Variants in RUNX1 observed in about 807,000 individuals in gnomAD.
The protein encoded by RUNX1 is runt-related transcription factor 1.
Under a neutral mutation model 42.8 loss-of-function variants are expected in RUNX1, and 19 were observed. The ratio of observed to expected loss-of-function variants is 0.44; its 90% CI spans 0.31 to 0.65. The LOEUF is 0.65. Among genes scored for constraint, RUNX1 ranks in the 30% least tolerant of loss-of-function variants. The pLI is 0.07. For synonymous variants in RUNX1, 271 were observed against 289.4 expected, an observed-to-expected ratio of 0.94 and a Z score of 0.64; for missense variants, 528 against 672.0, an observed-to-expected ratio of 0.79 and a Z score of 2.37.
chr21:34,839,846 C>T lies in RUNX1; in HGVS notation c.614-5245G>A, dbSNP rs146807586. On this transcript the variant is annotated intron_variant, in intron 6 of 8. Coordinates refer to ENST00000675419, the MANE Select transcript of RUNX1 (RefSeq NM_001754.5). ...AATGTGCATTACTACTTCCCTTCTC[C>T]TGCCTGCTTCTGATTTGCTGTGTGC... 1.8e-3 allele frequency among the ~76,000 whole-genome samples: 275 copies of T among 152,328 alleles called. 5 individuals are homozygous for T. In the East Asian group the frequency reaches 0.045, roughly 25 times the overall value.
chr21:34,961,637 G>A (rs1346566316), intron 2 of RUNX1, among the ~76,000 whole-genome samples: 2 of 152,066 alleles, frequency 1.3e-5, no homozygotes, highest in South Asian at 2.1e-4. Flanking sequence ...GTAGCAGCTC[G>A]TATATTTTAC....
chr21:34,908,790 G>T (rs978834251), intron 2 of RUNX1, among the ~76,000 whole-genome samples: 1 of 152,112 alleles, frequency 6.6e-6, no homozygotes, highest in African/African-American at 2.4e-5. Flanking sequence ...AACACCCTTT[G>T]TCAAAGTCAG....
intron 2 of RUNX1, among the ~76,000 whole-genome samples, chr21:34,987,327 T>C (rs978198004): frequency 2.6e-5 from 4 of 151,992 alleles, no homozygotes; most frequent in African/African-American, 9.7e-5. Flanking sequence ...AAGCCAGACA[T>C]TTGAGGGGAG....
chr21:34,873,814 T>G (rs560211405), intron 5 of RUNX1, among the ~76,000 whole-genome samples: 1 of 152,248 alleles, frequency 6.6e-6, no homozygotes, highest in Admixed American at 6.5e-5. Flanking sequence ...AAAATACATC[T>G]CCGTTGAATG....
chr21:34,998,742 C>T (rs565969262), intron 2 of RUNX1, among the ~76,000 whole-genome samples: 60 of 152,220 alleles, frequency 3.9e-4, no homozygotes, highest in Admixed American at 7.8e-4. Flanking sequence ...GGGGTTTCAC[C>T]GAGTTAGCCA....
chr21:34,834,572 T>C lies in RUNX1; in HGVS notation c.643A>G (p.Lys215Glu). Residue 215 changes from lysine to glutamate, a missense_variant, in exon 7 of 9, where the codon AAG becomes GAG. By Grantham distance (56) the Lys-to-Glu change is moderately conservative. Coordinates refer to ENST00000675419, the MANE Select transcript of RUNX1 (RefSeq NM_001754.5). ...RHRQKLDDQT[K>E]PGSLSFSERL... is the part of the protein sequence containing the mutation. Reference sequence around the variant, plus strand: ...TCGGAAAAGGACAAGCTCCCGGGCTTGGTCTGATCATCTAGTTTCTGCCGA... The same window carrying C: ...TCGGAAAAGGACAAGCTCCCGGGCTCGGTCTGATCATCTAGTTTCTGCCGA... The C allele has an allele frequency of 6.2e-7, 1 of 1,608,776 alleles. No individual in the cohort carries two copies. The highest frequency in any genetic ancestry group is 1.3e-5 in the African/African-American group (1 of 74,186).
At chr21:34,895,228 G>A (rs1445418819) in intron 2 of RUNX1, among the ~76,000 whole-genome samples, 1 of 152,080 alleles carries the variant, frequency 6.6e-6, no homozygotes, top group Non-Finnish European at 1.5e-5. Context: ...ATAAAATGGC[G>A]TTTTAGTCTT....
intron 2 of RUNX1, among the ~76,000 whole-genome samples, chr21:35,033,191 T>A (rs1395929543): frequency 6.6e-6 from 1 of 152,200 alleles, no homozygotes; most frequent in African/African-American, 2.4e-5. Flanking sequence ...ATCCAACATT[T>A]CTTGAGTGCC....
intron 3 of RUNX1, among the ~76,000 whole-genome samples, chr21:34,890,755 T>C (rs2058072133): frequency 1.1e-5 from 1 of 92,176 alleles, no homozygotes; most frequent in Non-Finnish European, 2.0e-5. Flanking sequence ...ACGTCCACTT[T>C]CTAACTCTGT....
intron 2 of RUNX1, among the ~76,000 whole-genome samples, chr21:34,940,050 C>T (rs2834684): frequency 0.26 from 39,264 of 151,904 alleles, 5,647 homozygotes; most frequent in Non-Finnish European, 0.34. Flanking sequence ...GATTCTTTTC[C>T]GTGTCCAAAC....
At chr21:34,888,169 C>T in intron 3 of RUNX1, 4 of 1,066,494 alleles carry the variant, frequency 3.8e-6, no homozygotes, top group African/African-American at 1.6e-5. Flanking sequence ...AGCAGCGAGA[C>T]GATACTCCTC....
At chr21:34,998,460 C>T (rs1010769745) in intron 2 of RUNX1, among the ~76,000 whole-genome samples, 2 of 152,064 alleles carry the variant, frequency 1.3e-5, no homozygotes, top group Admixed American at 6.6e-5. Flanking sequence ...CTTTGGGCAA[C>T]ATGAAAGTCA....
intron 2 of RUNX1, among the ~76,000 whole-genome samples, chr21:34,950,436 T>TA (rs199909873): frequency 0.05 from 7,558 of 152,262 alleles, 599 homozygotes; most frequent in African/African-American, 0.17. Flanking sequence ...AGGAAATGCC[T>TA]TGTACATAAC....
At chr21:34,819,169 A>G (rs1290515859) in intron 7 of RUNX1, among the ~76,000 whole-genome samples, 1 of 152,210 alleles carries the variant, frequency 6.6e-6, no homozygotes, top group African/African-American at 2.4e-5. Flanking sequence ...ACTTGGGAGG[A>G]AACTCACAGC....
intron 2 of RUNX1, among the ~76,000 whole-genome samples, chr21:34,911,194 A>G (rs1379078592): frequency 6.6e-6 from 1 of 152,166 alleles, no homozygotes; most frequent in Admixed American, 6.5e-5. Context: ...AGCTGCTTCT[A>G]GTGGTGGTAC....
Position 35,014,396 on chromosome 21 carries a change from T to A in RUNX1, c.58+34446A>T, listed in dbSNP as rs555106109. Among the ~76,000 whole-genome samples the A allele has an allele frequency of 3.6e-4, 55 of 152,346 alleles. 1 individual carries two copies. The highest frequency in any genetic ancestry group is 5.9e-4 in the Non-Finnish European group (40 of 68,028). On this transcript the variant is annotated intron_variant, in intron 2 of 8. Transcript: ENST00000675419. ...GAGTAGTGGCATAGACACACTTGAT[T>A]AGGAATCTGGTGACTTTCCTTCTAG...
intron 6 of RUNX1, among the ~76,000 whole-genome samples, chr21:34,835,592 G>A (rs969861776): frequency 6.6e-6 from 1 of 152,184 alleles, no homozygotes. Context: ...CAGTCCTGTC[G>A]TGCAAAGCTG....
intron 7 of RUNX1, chr21:34,821,712 G>A (rs2146001715): frequency 6.4e-7 from 1 of 1,557,612 alleles, no homozygotes; most frequent in Non-Finnish European, 8.7e-7. Flanking sequence ...GGAGCCATGT[G>A]TGACCAGGGA....
At chr21:34,865,312 G>GTGTC in intron 5 of RUNX1, among the ~76,000 whole-genome samples, 1 of 147,808 alleles carries the variant, frequency 6.8e-6, no homozygotes, top group South Asian at 2.1e-4. Flanking sequence ...GTGTGTGTGT[G>GTGTC]TGTGTGTGTG....
Sources: allele counts gnomAD v4.1 joint callset (sites outside exome capture counted in the v4.1 genomes callset), GRCh38; gene constraint gnomAD v4.1.1; transcripts MANE v1.5; gene names NCBI Gene and HGNC (gene_info 2026-07-23, HGNC 2026-07-21).